PLXDC2: variants seen among roughly 807,000 people sequenced by gnomAD.
PLXDC2 encodes the protein plexin domain-containing protein 2.
Under a neutral mutation model 68.9 loss-of-function variants are expected in PLXDC2, and 40 were observed. The observed-to-expected ratio is 0.58, with a 90% CI of 0.45 to 0.76. The LOEUF (loss-of-function observed/expected upper bound fraction) is 0.76. PLXDC2 is among the 30% of genes least tolerant of loss of function. PLXDC2 has a pLI of 0.00. For synonymous variants in PLXDC2, 243 were observed against 234.2 expected, an observed-to-expected ratio of 1.04 and a Z score of -0.34; for missense variants, 644 against 661.9, an observed-to-expected ratio of 0.97 and a Z score of 0.30.
intron 1 of PLXDC2, among the ~76,000 whole-genome samples, chr10:19,907,959 T>C (rs1833197511): frequency 6.6e-6 from 1 of 152,190 alleles, no homozygotes; most frequent in Non-Finnish European, 1.5e-5. Context: ...AGCTACTGAA[T>C]CTCATGCTTC....
At position 20,287,547 on chromosome 10, in the gene PLXDC2, T is replaced by G. The variant is rs1441899067; in HGVS notation, c.*7728T>G. ...TGAAAACATACTCAGATTGTCACATTTATAGCAGGGAAATAAAAACTCAAA... is the reference window on the plus strand; with the variant it reads ...TGAAAACATACTCAGATTGTCACATGTATAGCAGGGAAATAAAAACTCAAA... On this transcript the variant is annotated 3_prime_UTR_variant, in exon 14 of 14. Transcript: ENST00000377252. 1 of 122,410 alleles carries G rather than the reference T, an allele frequency of 8.2e-6. No individual in the cohort carries two copies. The highest frequency in any genetic ancestry group is 1.8e-5 in the Non-Finnish European group (1 of 55,520). 7.6% of individuals were successfully genotyped at this position (122,410 alleles called of 1,614,324 possible).
chr10:20,036,784 A>G (rs1835585422), intron 2 of PLXDC2, among the ~76,000 whole-genome samples: 2 of 152,206 alleles, frequency 1.3e-5, no homozygotes, highest in South Asian at 2.1e-4. Context: ...TATTCCGTTT[A>G]TATAGAAAAT....
chr10:20,049,483 C>T (rs1002032834), intron 3 of PLXDC2, among the ~76,000 whole-genome samples: 3 of 151,990 alleles, frequency 2.0e-5, no homozygotes, highest in Admixed American at 6.6e-5. Flanking sequence ...CCCAAAAACT[C>T]CTTTAGCTGA....
intron 2 of PLXDC2, among the ~76,000 whole-genome samples, chr10:20,024,401 A>G (rs1312242132): frequency 6.6e-6 from 1 of 152,178 alleles, no homozygotes; most frequent in African/African-American, 2.4e-5. Flanking sequence ...CTATTTGTTC[A>G]TGCCTGTTCT....
chr10:20,251,772 A>G (rs1369874837), intron 13 of PLXDC2, among the ~76,000 whole-genome samples: 1 of 152,162 alleles, frequency 6.6e-6, no homozygotes, highest in Non-Finnish European at 1.5e-5. Context: ...ATTAATGTTG[A>G]ACATTGTCCT....
chr10:20,276,264 T>C (rs1206185975), intron 13 of PLXDC2, among the ~76,000 whole-genome samples: 1 of 152,216 alleles, frequency 6.6e-6, no homozygotes, highest in Admixed American at 6.5e-5. Context: ...CTCTCTGTGT[T>C]GCTCTCTGAA....
rs571283546 is a variant in PLXDC2 at position 19,840,059 on chromosome 10, A to G, written c.112+22868A>G. 2.0e-5 allele frequency among the ~76,000 whole-genome samples: 3 copies of G among 152,276 alleles called. No homozygotes were observed. The East Asian group carries it at 5.8e-4, about 29-fold the overall frequency. On this transcript the variant is annotated intron_variant, in intron 1 of 13. Coordinates refer to ENST00000377252, the MANE Select transcript of PLXDC2 (RefSeq NM_032812.9). Reference sequence around the variant, plus strand: ...TTACTGGAACCCAAAGGGTTTGTTCACCACTCTCCTGTCATTTTCTGATGC... The same window carrying G: ...TTACTGGAACCCAAAGGGTTTGTTCGCCACTCTCCTGTCATTTTCTGATGC...
chr10:20,250,734 C>A (rs1469677880), intron 13 of PLXDC2, among the ~76,000 whole-genome samples: 3 of 152,014 alleles, frequency 2.0e-5, no homozygotes, highest in African/African-American at 7.3e-5. Context: ...ACATTATGTC[C>A]TTGGAACAGA....
At chr10:20,144,260 A>G (rs1834044602) in intron 5 of PLXDC2, among the ~76,000 whole-genome samples, 1 of 152,162 alleles carries the variant, frequency 6.6e-6, no homozygotes, top group Non-Finnish European at 1.5e-5. Flanking sequence ...ATTTGGGGTG[A>G]ACAGAGTTAT....
At chr10:19,914,940 C>G (rs1283858414) in intron 1 of PLXDC2, among the ~76,000 whole-genome samples, 2 of 152,108 alleles carry the variant, frequency 1.3e-5, no homozygotes, top group Non-Finnish European at 2.9e-5. Flanking sequence ...ACTAATGTAG[C>G]CTCTCTAGAT....
intron 6 of PLXDC2, among the ~76,000 whole-genome samples, chr10:20,149,220 TTTTC>T (rs1488248090): frequency 1.1e-4 from 14 of 131,604 alleles, no homozygotes; most frequent in South Asian, 2.6e-4. Flanking sequence ...CTTTCTTTTT[TTTTC>T]TTTTCTTTTT....
chr10:19,967,018 C>T (rs1031773159), intron 1 of PLXDC2, among the ~76,000 whole-genome samples: 2 of 152,170 alleles, frequency 1.3e-5, no homozygotes, highest in African/African-American at 4.8e-5. Context: ...TAACAGATGG[C>T]AACCTCATGG....
At chr10:20,138,386 A>G (rs1833960270) in intron 4 of PLXDC2, among the ~76,000 whole-genome samples, 1 of 152,184 alleles carries the variant, frequency 6.6e-6, no homozygotes, top group African/African-American at 2.4e-5. Context: ...AAGAGAAGTA[A>G]AAATAATACT....
intron 9 of PLXDC2, among the ~76,000 whole-genome samples, chr10:20,189,615 AATTCAAAACTTTTCAGAAGCAG>A (rs1460756600): frequency 2.0e-5 from 3 of 149,428 alleles, no homozygotes; most frequent in Non-Finnish European, 3.0e-5. Flanking sequence ...CACTCAGAAA[AATTCAAAACTTTTCAGAAGCAG>A]AAAATTATCA....
At chr10:20,204,647 A>G (rs961138897) in intron 9 of PLXDC2, among the ~76,000 whole-genome samples, 1 of 152,218 alleles carries the variant, frequency 6.6e-6, no homozygotes, top group Non-Finnish European at 1.5e-5. Flanking sequence ...CATATAGAGC[A>G]TAGTTAAGCA....
At chr10:20,250,011 T>C (rs1167826231) in intron 13 of PLXDC2, among the ~76,000 whole-genome samples, 1 of 152,088 alleles carries the variant, frequency 6.6e-6, no homozygotes, top group Non-Finnish European at 1.5e-5. Context: ...CTCACGCCTC[T>C]AATCCCAGCA....
rs189644383 is a variant in PLXDC2, at chr10:20,059,784, A to G, written c.472-8386A>G. Among the ~76,000 whole-genome samples the G allele has an allele frequency of 2.1e-3, 327 of 152,222 alleles. 1 individual carries two copies. The highest frequency in any genetic ancestry group is 7.7e-3 in the African/African-American group (319 of 41,510). ...TGAGAATGGTTAAAATCCCTTTAAA[A>G]AAAAATTCTACATGGTAAAAGCATT... On this transcript the variant is annotated intron_variant, in intron 3 of 13. Transcript: ENST00000377252.
intron 4 of PLXDC2, among the ~76,000 whole-genome samples, chr10:20,135,438 A>G (rs1366251815): frequency 6.6e-6 from 1 of 152,238 alleles, no homozygotes; most frequent in Non-Finnish European, 1.5e-5. Context: ...AGGAATTAAC[A>G]TTAACTAAGA....
chr10:19,990,170 G>T (rs939673809), intron 1 of PLXDC2, among the ~76,000 whole-genome samples: 2 of 151,944 alleles, frequency 1.3e-5, no homozygotes, highest in Non-Finnish European at 2.9e-5. Flanking sequence ...ATATTCTTCA[G>T]GTGTTGCTTA....
Sources: allele counts gnomAD v4.1 joint callset (sites outside exome capture counted in the v4.1 genomes callset), GRCh38; gene constraint gnomAD v4.1.1; transcripts MANE v1.5; gene names NCBI Gene and HGNC (gene_info 2026-07-23, HGNC 2026-07-21).